The following OSMR variants were observed in gnomAD, a reference collection of about 807,000 sequenced individuals.
OSMR encodes oncostatin-M-specific receptor subunit beta.
OSMR carries 81 observed loss-of-function variants against 99.9 expected under a neutral mutation model. That is an observed-to-expected ratio of 0.81 (90% confidence interval 0.68 to 0.97). The LOEUF is 0.97. Ranked by LOEUF, OSMR falls within the 50% of genes least tolerant of loss-of-function variation. The pLI, the probability that OSMR is intolerant of heterozygous loss-of-function variation, is 0.00. For missense variants in OSMR, 1,099 were observed against 1,153.4 expected (o/e 0.95, Z 0.68); for synonymous variants, 406 against 410.4 (o/e 0.99, Z 0.13).
chr5:38,874,033 T>C (rs1742611987), intron 2 of OSMR, among the ~76,000 whole-genome samples: 1 of 152,104 alleles, frequency 6.6e-6, no homozygotes. Flanking sequence ...GGTTTTTCCA[T>C]GTTGCCGACT....
chr5:38,874,668 A>T (rs545833638), intron 2 of OSMR, among the ~76,000 whole-genome samples: 1 of 152,296 alleles, frequency 6.6e-6, no homozygotes, highest in East Asian at 1.9e-4. Context: ...TACTTCTCAG[A>T]CATTCCATTC....
At chr5:38,937,250 G>A (rs531446443), downstream of OSMR, among the ~76,000 whole-genome samples, 1 of 152,238 alleles carries the variant, frequency 6.6e-6, no homozygotes, top group South Asian at 2.1e-4. The surrounding 1 kb of genome is among the most constrained non-coding windows in gnomAD (Gnocchi z 4.0). Flanking sequence ...AGCCAGGATG[G>A]TCTTGATCGC....
At chr5:38,875,576 G>T (rs1742751240) in intron 2 of OSMR, among the ~76,000 whole-genome samples, 1 of 152,112 alleles carries the variant, frequency 6.6e-6, no homozygotes, top group South Asian at 2.1e-4. Context: ...CCACTCTCTT[G>T]ATTATTTCAT....
chr5:38,941,320 T>A (rs3180328), intron 1 of OSMR: 10 of 207,742 alleles, frequency 4.8e-5, no homozygotes, highest in Non-Finnish European at 9.5e-5. Context: ...ACAAGCTTTA[T>A]TAATGTTTTT....
At chr5:38,868,876 TGG>T in intron 1 of OSMR, 154 bp from the exon 2 acceptor site, 2 of 361,222 alleles carry the variant, frequency 5.5e-6, no homozygotes, top group Non-Finnish European at 7.7e-6. Flanking sequence ...CTTCCTATTT[TGG>T]GGGGACTCTA....
At chr5:38,847,748 A>G (rs956428205) in intron 1 of OSMR, among the ~76,000 whole-genome samples, 2 of 152,176 alleles carry the variant, frequency 1.3e-5, no homozygotes, top group African/African-American at 4.8e-5. Context: ...TATTGTAGGA[A>G]GAGCTAGTTC....
At chr5:38,908,265 G>A (rs1745368656) in intron 9 of OSMR, among the ~76,000 whole-genome samples, 1 of 152,180 alleles carries the variant, frequency 6.6e-6, no homozygotes, top group African/African-American at 2.4e-5. Flanking sequence ...CACAAAGACT[G>A]GTAGCCTCCT....
rs573684278 is a variant in OSMR at position 38,923,791 on chromosome 5, C to G, written c.1870+537C>G. ...CAGTTCTCAGGGGTTCTTCCTTTAGCAGGAGTGGATCCACAGTTTACAGTT... is the reference window on the plus strand; with the variant it reads ...CAGTTCTCAGGGGTTCTTCCTTTAGGAGGAGTGGATCCACAGTTTACAGTT... On this transcript the variant is annotated intron_variant, in intron 13 of 17. Coordinates refer to ENST00000274276, the MANE Select transcript of OSMR (RefSeq NM_003999.3). 2.0e-5 allele frequency among the ~76,000 whole-genome samples: 3 copies of G among 152,306 alleles called. No individual in the cohort carries two copies. The South Asian group carries it at 6.2e-4, about 32-fold the overall frequency.
chr5:38,923,290 A>C, intron 13 of OSMR, 36 bp downstream of exon 13: 2 of 1,264,152 alleles, frequency 1.6e-6, no homozygotes, highest in Non-Finnish European at 2.3e-6. Context: ...CCATGTGCAG[A>C]CTTGTTCAGA....
intron 7 of OSMR, among the ~76,000 whole-genome samples, chr5:38,901,928 A>G (rs1170817798): frequency 6.6e-6 from 1 of 152,150 alleles, no homozygotes; most frequent in Admixed American, 6.5e-5. Context: ...GCTGGGCCTC[A>G]TTTTTATTAG....
At chr5:38,943,060 T>G (rs1475373143) in intron 1 of OSMR, 2 of 898,578 alleles carry the variant, frequency 2.2e-6, no homozygotes, top group Non-Finnish European at 3.5e-6. Flanking sequence ...AAAATAGATT[T>G]CCCTACAGAT....
intron 7 of OSMR, among the ~76,000 whole-genome samples, chr5:38,896,484 G>T (rs1744526940): frequency 6.6e-6 from 1 of 151,860 alleles, no homozygotes. Flanking sequence ...AATGATATTT[G>T]TATATTGATT....
intron 1 of OSMR, among the ~76,000 whole-genome samples, chr5:38,863,192 A>G (rs185752277): frequency 0.029 from 220 of 7,632 alleles, no homozygotes; most frequent in Middle Eastern, 0.17. Context: ...AGGGAGAGGG[A>G]GAGGGGGAGG....
intron 9 of OSMR, among the ~76,000 whole-genome samples, chr5:38,913,411 G>A (rs545933541): frequency 3.3e-5 from 5 of 152,132 alleles, no homozygotes; most frequent in East Asian, 1.9e-4. Flanking sequence ...TCAGCCAGGC[G>A]TGGTGGTGGC....
At chr5:38,919,584 G>A in intron 11 of OSMR, 1 of 305,388 alleles carries the variant, frequency 3.3e-6, no homozygotes, top group South Asian at 3.0e-5. Context: ...GAGCAAACAA[G>A]GTGGAATGCC....
intron 6 of OSMR, 122 bp from the exon 7 acceptor site, chr5:38,885,917 A>T: frequency 6.7e-7 from 1 of 1,488,674 alleles, no homozygotes; most frequent in Non-Finnish European, 8.9e-7. Flanking sequence ...GGATGGATCA[A>T]TGCCATTATG....
intron 11 of OSMR, among the ~76,000 whole-genome samples, chr5:38,920,987 CT>C (rs1178700162): frequency 6.6e-6 from 1 of 151,902 alleles, no homozygotes; most frequent in East Asian, 1.9e-4. Flanking sequence ...TCTTTTTTGT[CT>C]TCTACTCAAT....
chr5:38,916,027 C>T (rs1561398997), intron 9 of OSMR, among the ~76,000 whole-genome samples: 1 of 152,102 alleles, frequency 6.6e-6, no homozygotes, highest in Admixed American at 6.5e-5. Context: ...TTGACTACTT[C>T]TTGTTGTACT....
intron 7 of OSMR, among the ~76,000 whole-genome samples, chr5:38,896,670 C>G (rs1744539653): frequency 6.6e-6 from 1 of 152,082 alleles, no homozygotes; most frequent in South Asian, 2.1e-4. Context: ...CTAGCAAGGA[C>G]TTCCAGTACT....
Sources: allele counts gnomAD v4.1 joint callset (sites outside exome capture counted in the v4.1 genomes callset), GRCh38; gene constraint gnomAD v4.1.1; non-coding constraint Gnocchi (gnomAD v3.1); transcripts MANE v1.5; gene names NCBI Gene and HGNC (gene_info 2026-07-23, HGNC 2026-07-21).